SDK1: variants seen among roughly 807,000 people sequenced by gnomAD.
SDK1 encodes sidekick cell adhesion molecule 1, also known as protein sidekick-1.
Under a neutral mutation model 245.5 loss-of-function variants are expected in SDK1, and 157 were observed. The ratio of observed to expected loss-of-function variants is 0.64; its 90% CI spans 0.56 to 0.73. The LOEUF is 0.73. Among genes scored for constraint, SDK1 ranks in the 30% least tolerant of loss-of-function variants. The pLI is 0.00. For synonymous variants in SDK1, 1,647 were observed against 1,278.5 expected, an observed-to-expected ratio of 1.29 and a Z score of -6.15; for missense variants, 3,583 against 3,002.3, an observed-to-expected ratio of 1.19 and a Z score of -4.52.
intron 22 of SDK1, among the ~76,000 whole-genome samples, chr7:4,086,582 C>T (rs374499020): frequency 4.6e-5 from 7 of 152,224 alleles, no homozygotes; most frequent in East Asian, 1.9e-4. Context: ...TCAGAGCAGC[C>T]GGGGCAGGTC....
At chr7:3,897,576 C>T (rs535300232) in intron 5 of SDK1, among the ~76,000 whole-genome samples, 6 of 151,970 alleles carry the variant, frequency 3.9e-5, no homozygotes, top group African/African-American at 9.7e-5. Flanking sequence ...ATGTATAGAC[C>T]ATATTATGTC....
intron 8 of SDK1, among the ~76,000 whole-genome samples, chr7:3,961,358 G>A (rs1169823953): frequency 6.6e-6 from 1 of 152,182 alleles, no homozygotes; most frequent in East Asian, 1.9e-4. Flanking sequence ...AATCTAGGAA[G>A]ACATTATCTT....
intron 1 of SDK1, among the ~76,000 whole-genome samples, chr7:3,403,298 T>C (rs1218173298): frequency 6.6e-6 from 1 of 152,174 alleles, no homozygotes; most frequent in Non-Finnish European, 1.5e-5. Context: ...ATTTAAAATT[T>C]TGTAATTTCA....
intron 33 of SDK1, among the ~76,000 whole-genome samples, chr7:4,174,860 C>G (rs745691760): frequency 6.6e-6 from 1 of 152,158 alleles, no homozygotes; most frequent in African/African-American, 2.4e-5. Flanking sequence ...CTTCTAGAAC[C>G]CTGGAGAGGG....
rs144608699 is a variant in SDK1, at chr7:4,063,525, A to G, written c.2912-4313A>G. Among the ~76,000 whole-genome samples, 1,515 of 152,004 alleles carry G rather than the reference A, an allele frequency of 1.0e-2. 23 individuals are homozygous for G. Among genetic ancestry groups the G allele is most frequent in the South Asian group, 0.03 (142 of 4,800 alleles). On this transcript the variant is annotated intron_variant, in intron 19 of 44. Transcript: ENST00000404826. ...AAGAATTAGCATTATTAAAATGACC[A>G]TACTCCCCAAATGAATCTAATGACT...
intron 35 of SDK1, among the ~76,000 whole-genome samples, chr7:4,191,354 G>A (rs575804890): frequency 6.6e-6 from 1 of 152,224 alleles, no homozygotes; most frequent in Admixed American, 6.5e-5. Context: ...CCTTGGTGGC[G>A]GGCTGGTAGT....
chr7:4,212,543 C>T (rs1392005616), intron 38 of SDK1, among the ~76,000 whole-genome samples: 4 of 152,260 alleles, frequency 2.6e-5, no homozygotes, highest in Non-Finnish European at 4.4e-5. Context: ...GTGGCCACTT[C>T]GAGGGGCGGC....
intron 22 of SDK1, among the ~76,000 whole-genome samples, chr7:4,084,131 C>A (rs534447602): frequency 3.3e-5 from 5 of 152,164 alleles, no homozygotes; most frequent in Admixed American, 6.5e-5. Flanking sequence ...TCTGCTCATC[C>A]CTCAGACTAT....
intron 1 of SDK1, among the ~76,000 whole-genome samples, chr7:3,348,574 G>A (rs4722709): frequency 0.43 from 65,548 of 151,844 alleles, 14,221 homozygotes; most frequent in East Asian, 0.52. Context: ...GACGCAGGGC[G>A]GTGAAAACCT....
In SDK1 at chr7:3,551,476, G is replaced by A. The variant is rs114406621; in HGVS notation, c.299-67604G>A. The stretch of plus-strand genomic sequence containing the variant: ...AAGTTGGACACAACCTTTAAAATGA[G>A]CTGATTATGGACACATTTATACATC... On this transcript the variant is annotated intron_variant, in intron 1 of 44. Coordinates refer to ENST00000404826, the MANE Select transcript of SDK1 (RefSeq NM_152744.4). Among the ~76,000 whole-genome samples, 280 of 152,130 alleles carry A rather than the reference G, an allele frequency of 1.8e-3. 1 individual carries two copies. The highest frequency in any genetic ancestry group is 6.6e-3 in the African/African-American group (274 of 41,498).
chr7:4,084,541 C>T (rs534511053), intron 22 of SDK1, among the ~76,000 whole-genome samples: 1 of 152,178 alleles, frequency 6.6e-6, no homozygotes, highest in Non-Finnish European at 1.5e-5. Context: ...CAAGGTGGAT[C>T]TCCTCGCTCC....
intron 4 of SDK1, among the ~76,000 whole-genome samples, chr7:3,806,014 C>A (rs556382453): frequency 2.7e-4 from 41 of 152,292 alleles, no homozygotes; most frequent in African/African-American, 9.9e-4. Flanking sequence ...CTATAGATCT[C>A]TGTTGCTACC....
intron 4 of SDK1, among the ~76,000 whole-genome samples, chr7:3,718,068 C>T (rs78079620): frequency 1.3e-5 from 2 of 152,026 alleles, no homozygotes; most frequent in Non-Finnish European, 2.9e-5. Context: ...AATTAGACAC[C>T]GTAACCAAGT....
At chr7:3,506,581 TATC>T (rs1782399114) in intron 1 of SDK1, among the ~76,000 whole-genome samples, 1 of 152,208 alleles carries the variant, frequency 6.6e-6, no homozygotes, top group South Asian at 2.1e-4. Context: ...CATATTATAT[TATC>T]ATATTATATT....
At chr7:3,433,746 C>T (rs1049479298) in intron 1 of SDK1, among the ~76,000 whole-genome samples, 1 of 152,014 alleles carries the variant, frequency 6.6e-6, no homozygotes, top group African/African-American at 2.4e-5. Flanking sequence ...ATAGTCAGTG[C>T]TTGGAGGAAA....
chr7:3,620,505 G>C (rs1423304880), intron 2 of SDK1, among the ~76,000 whole-genome samples: 1 of 152,108 alleles, frequency 6.6e-6, no homozygotes, highest in Non-Finnish European at 1.5e-5. Context: ...GTTTCACCAT[G>C]TTGACCAGGC....
intron 5 of SDK1, among the ~76,000 whole-genome samples, chr7:3,877,721 G>A (rs6970116): frequency 0.31 from 47,529 of 152,066 alleles, 10,446 homozygotes; most frequent in African/African-American, 0.63. Flanking sequence ...ATGAAAATAT[G>A]GAGATTCGTA....
intron 35 of SDK1, among the ~76,000 whole-genome samples, chr7:4,205,262 CA>C (rs1317160306): frequency 1.4e-4 from 21 of 152,292 alleles, no homozygotes; most frequent in Admixed American, 3.9e-4. Context: ...TCATCTAGAT[CA>C]GGGCTTCATA....
At chr7:3,827,272 A>C (rs1406896083) in intron 5 of SDK1, among the ~76,000 whole-genome samples, 1 of 152,158 alleles carries the variant, frequency 6.6e-6, no homozygotes, top group East Asian at 1.9e-4. Flanking sequence ...GGCATGTAAA[A>C]TTTCCAAAGA....
Sources: allele counts gnomAD v4.1 joint callset (sites outside exome capture counted in the v4.1 genomes callset), GRCh38; gene constraint gnomAD v4.1.1; transcripts MANE v1.5; gene names NCBI Gene and HGNC (gene_info 2026-07-23, HGNC 2026-07-21).